CER1: variants seen among roughly 807,000 people sequenced by gnomAD.
The protein encoded by CER1 is cerberus.
A neutral mutation model predicts 11.8 loss-of-function variants in CER1; 10 were observed. The observed-to-expected ratio is 0.85, with a 90% CI of 0.52 to 1.44. The LOEUF (loss-of-function observed/expected upper bound fraction) is 1.44. Ranked by LOEUF, CER1 falls within the 40% of genes most tolerant of loss-of-function variation. The pLI is 0.00. For synonymous variants in CER1, 141 were observed against 122.3 expected (o/e 1.15, Z -1.01); for missense variants, 431 against 327.0 (o/e 1.32, Z -2.45).
In CER1 at chr9:14,720,245, T is replaced by G. The variant is rs749914334; in HGVS notation, c.649A>C (p.Met217Leu). 3.1e-6 allele frequency: 5 copies of G among 1,614,000 alleles called. No individual in the cohort carries two copies. The African/African-American group carries it at 5.3e-5, about 17-fold the overall frequency. ...TCAGTGCAGTTCAGTGGCAAGTGCA[T>G]CGTGGTGAACTTGGCAGGCAAACAG... Reference protein sequence around the residue: ...SHCLPAKFTTMHLPLNCTELS... With the variant: ...SHCLPAKFTTLHLPLNCTELS... Residue 217 changes from methionine (M) to leucine (L), a missense_variant, in exon 2 of 2, where the codon ATG (methionine) becomes CTG (leucine). Physicochemically the swap from Met to Leu is conservative, Grantham distance 15 (BLOSUM62 2). Coordinates refer to ENST00000380911, the MANE Select transcript of CER1 (RefSeq NM_005454.3).
chr9:14,720,459 A>C, intron 1 of CER1, 73 bp from the exon 2 acceptor site: 1 of 1,385,410 alleles, frequency 7.2e-7, no homozygotes, highest in Non-Finnish European at 9.8e-7. Flanking sequence ...GAAGCTATGG[A>C]CTGTAAATCT....
At chr9:14,718,337 G>C (rs1204084474), downstream of CER1, among the ~76,000 whole-genome samples, 1 of 152,162 alleles carries the variant, frequency 6.6e-6, no homozygotes, top group Non-Finnish European at 1.5e-5. Flanking sequence ...ACAGCTGTTT[G>C]ATAGCTTTTG....
rs142384565 is a variant in CER1, at chr9:14,720,114, G to C, written c.780C>G (p.Ser260=). 2 of 1,613,682 alleles carry C rather than the reference G, an allele frequency of 1.2e-6. No individual in the cohort carries two copies. Among genetic ancestry groups the C allele is most frequent in the African/African-American group, 2.7e-5 (2 of 74,932 alleles). Reference sequence around the variant, plus strand: ...TTCAAGCTGAAACTCCTGGGATAAAGGAATCCTGGGAGCCAGCATGTAGGA... The same window carrying C: ...TTCAAGCTGAAACTCCTGGGATAAACGAATCCTGGGAGCCAGCATGTAGGA... The part of the protein sequence containing the change: ...GHILHAGSQD[S]FIPGVSA The change falls in exon 2 of 2, where the codon TCC becomes TCG. Residue 260 remains serine, a synonymous_variant. Coordinates refer to ENST00000380911, the MANE Select transcript of CER1 (RefSeq NM_005454.3).
At position 14,720,075 on chromosome 9, in the gene CER1, T is replaced by C. The variant is rs1406198190; in HGVS notation, c.*15A>G. The C allele has an allele frequency of 3.1e-6, 5 of 1,608,806 alleles. No individual in the cohort carries two copies. The highest frequency in any genetic ancestry group is 4.3e-6 in the Non-Finnish European group (5 of 1,175,658). On this transcript the variant is annotated 3_prime_UTR_variant, in exon 2 of 2. Coordinates refer to ENST00000380911, the MANE Select transcript of CER1 (RefSeq NM_005454.3). ...TTGTGGTTTTGCTTTTCAAAGGTAA[T>C]AGTGGGATAGCTCTTCAAGCTGAAA...
intron 1 of CER1, among the ~76,000 whole-genome samples, chr9:14,721,472 CAA>C (rs1840011347): frequency 6.6e-6 from 1 of 152,058 alleles, no homozygotes; most frequent in South Asian, 2.1e-4. Context: ...GATCTCACAT[CAA>C]GATTGATTTT....
chr9:14,722,033 T>C, intron 1 of CER1, 133 bp downstream of exon 1: 1 of 1,039,350 alleles, frequency 9.6e-7, no homozygotes, highest in South Asian at 1.7e-5. Flanking sequence ...AATCCTATGA[T>C]GAATGCCCAA....
rs759721275 is a variant in CER1 at position 14,720,152 on chromosome 9, C to G, written c.742G>C (p.Glu248Gln). ...ECQCKVKTEH[E>Q]DGHILHAGSQ... ...CCAGCATGTAGGATGTGTCCATCTT[C>G]ATGCTCCGTCTTCACCTTGCACTGG... The change falls in exon 2 of 2, where the codon GAA becomes CAA. Residue 248 changes from glutamate (E) to glutamine (Q), a missense_variant. Coordinates refer to ENST00000380911, the MANE Select transcript of CER1 (RefSeq NM_005454.3). 6.2e-7 allele frequency: 1 copy of G among 1,614,186 alleles called. No individual in the cohort carries two copies. The highest frequency in any genetic ancestry group is 1.1e-5 in the South Asian group (1 of 91,078).
Position 14,720,081 on chromosome 9 carries a change from G to A in CER1, c.*9C>T. ...TTTTGCTTTTCAAAGGTAATAGTGG[G>A]ATAGCTCTTCAAGCTGAAACTCCTG... is the stretch of plus-strand genomic sequence containing the variant. On this transcript the variant is annotated 3_prime_UTR_variant, in exon 2 of 2. Transcript: ENST00000380911. The A allele has an allele frequency of 1.2e-6, 2 of 1,610,954 alleles. No homozygotes were observed. The highest frequency in any genetic ancestry group is 1.7e-6 in the Non-Finnish European group (2 of 1,177,382).
At chr9:14,719,553 G>GCCTTCCTT (rs1554626758), downstream of CER1, among the ~76,000 whole-genome samples, 136 of 125,518 alleles carry the variant, frequency 1.1e-3, no homozygotes, top group East Asian at 4.0e-3. Flanking sequence ...CTGCCTGCCT[G>GCCTTCCTT]CCTGCCTGCC....
At chr9:14,720,800 C>A (rs1272198623) in intron 1 of CER1, among the ~76,000 whole-genome samples, 1 of 152,100 alleles carries the variant, frequency 6.6e-6, no homozygotes, top group African/African-American at 2.4e-5. Flanking sequence ...TTACATTGAT[C>A]GTAGAATAGA....
At chr9:14,717,843 T>C (rs1429832212), downstream of CER1, among the ~76,000 whole-genome samples, 2 of 152,238 alleles carry the variant, frequency 1.3e-5, no homozygotes, top group South Asian at 2.1e-4. Context: ...AGGCAAATTC[T>C]GAAACTTTTA....
downstream of CER1, among the ~76,000 whole-genome samples, chr9:14,719,539 C>G (rs1012802874): frequency 1.2e-4 from 7 of 59,444 alleles, no homozygotes; most frequent in East Asian, 4.8e-4. Flanking sequence ...GCCTGCCTGC[C>G]TGCCTGCCTG....
chr9:14,718,484 C>T (rs978011789), downstream of CER1, among the ~76,000 whole-genome samples: 1 of 152,132 alleles, frequency 6.6e-6, no homozygotes, highest in Admixed American at 6.5e-5. Flanking sequence ...GCCATGTGTG[C>T]ATCTGTGTAA....
At chr9:14,719,576 T>TTCCC (rs1839978430), downstream of CER1, 1 of 132,396 alleles carries the variant, frequency 7.6e-6, no homozygotes, top group African/African-American at 3.9e-5. Context: ...CCTTCCTTCC[T>TTCCC]TCCTTCCTTC....
chr9:14,717,514 G>C (rs1738628783), downstream of CER1, among the ~76,000 whole-genome samples: 1 of 152,066 alleles, frequency 6.6e-6, no homozygotes, highest in African/African-American at 2.4e-5. Context: ...ATGTACACTT[G>C]ATCATCACAA....
In CER1 at chr9:14,722,244, C is replaced by T. The variant is rs142339501; in HGVS notation, c.429G>A (p.Pro143=). 33 of 1,614,062 alleles carry T rather than the reference C, an allele frequency of 2.0e-5. No homozygotes were observed. Among genetic ancestry groups the T allele is most frequent in the African/African-American group, 9.3e-5 (7 of 74,930 alleles). ...FWHHFMFRKT[P]ASQGVILPIK... Reference sequence around the variant, plus strand: ...TGGGCAAGATGACCCCCTGAGAAGCCGGAGTTTTTCTGAACATGAAGTGGT... The same window carrying T: ...TGGGCAAGATGACCCCCTGAGAAGCTGGAGTTTTTCTGAACATGAAGTGGT... Residue 143 remains proline, a synonymous_variant, in exon 1 of 2, where the codon CCG becomes CCA. Coordinates refer to ENST00000380911, the MANE Select transcript of CER1 (RefSeq NM_005454.3).
In CER1 at chr9:14,722,690, C is replaced by A. The variant is rs1840032958; in HGVS notation, c.-18G>T. ...AGATGCATGCTGTCAGGGGCCCAAG[C>A]TTCTTTTGTAAATGATGAGGCCCAA... On this transcript the variant is annotated 5_prime_UTR_variant, in exon 1 of 2. Coordinates refer to ENST00000380911, the MANE Select transcript of CER1 (RefSeq NM_005454.3). 1 of 1,576,816 alleles carries A rather than the reference C, an allele frequency of 6.3e-7. No individual in the cohort carries two copies. Among genetic ancestry groups the A allele is most frequent in the Non-Finnish European group, 8.5e-7 (1 of 1,171,800 alleles).
downstream of CER1, among the ~76,000 whole-genome samples, chr9:14,718,628 G>C (rs1359637636): frequency 1.3e-5 from 2 of 152,096 alleles, no homozygotes; most frequent in Non-Finnish European, 2.9e-5. Context: ...AAAAAAAACA[G>C]TTATTCTGGG....
Position 14,722,252 on chromosome 9 carries a change from T to TTCTGAACA in CER1, c.413_420dup (p.Lys141CysfsTer34). 1 of 1,614,238 alleles carries TTCTGAACA rather than the reference T, an allele frequency of 6.2e-7. No homozygotes were observed. The highest frequency in any genetic ancestry group is 8.5e-7 in the Non-Finnish European group (1 of 1,180,040). ...ATGACCCCCTGAGAAGCCGGAGTTT[T>TTCTGAACA]TCTGAACATGAAGTGGTGCCAGAAT... is the stretch of plus-strand genomic sequence containing the variant. On this transcript the variant is annotated frameshift_variant, in exon 1 of 2. Coordinates refer to ENST00000380911, the MANE Select transcript of CER1 (RefSeq NM_005454.3). LOFTEE classifies it high-confidence loss of function.
Sources: gnomAD v4.1 joint callset for allele counts (sites outside exome capture counted in the v4.1 genomes callset) on GRCh38, gnomAD v4.1.1 for gene constraint, MANE v1.5 for transcripts, NCBI Gene and HGNC (gene_info 2026-07-23, HGNC 2026-07-21) for gene names.